SLC39A11: variants seen among roughly 807,000 people sequenced by gnomAD.
The protein encoded by SLC39A11 is zinc transporter ZIP11.
In SLC39A11, 33 loss-of-function variants were observed where a neutral mutation model predicts 36.1. The ratio of observed to expected loss-of-function variants is 0.91; its 90% CI spans 0.69 to 1.22. The LOEUF is 1.22. SLC39A11 is among the 50% of genes most tolerant of loss of function. The pLI is 0.00. For missense variants in SLC39A11, 432 were observed against 430.3 expected, an observed-to-expected ratio of 1.00 and a Z score of -0.03; for synonymous variants, 166 against 170.3, an observed-to-expected ratio of 0.97 and a Z score of 0.20.
At chr17:72,805,561 G>A (rs771016664) in intron 6 of SLC39A11, among the ~76,000 whole-genome samples, 4 of 152,044 alleles carry the variant, frequency 2.6e-5, no homozygotes, top group Non-Finnish European at 5.9e-5. Flanking sequence ...GCCTGGTGGC[G>A]CTCCTTCCCG....
intron 6 of SLC39A11, among the ~76,000 whole-genome samples, chr17:72,755,052 G>A (rs975528126): frequency 2.7e-5 from 2 of 73,334 alleles, no homozygotes; most frequent in African/African-American, 6.0e-5. Flanking sequence ...GGCAGGGCCA[G>A]TGTGTCACGG....
chr17:73,088,905 A>G (rs773874766), intron 1 of SLC39A11, 130 bp from the exon 2 acceptor site: 4 of 657,414 alleles, frequency 6.1e-6, no homozygotes, highest in Non-Finnish European at 1.1e-5. Context: ...CCCTTCCACC[A>G]CGCCATCTGT....
intron 5 of SLC39A11, among the ~76,000 whole-genome samples, chr17:72,868,855 T>A: frequency 6.6e-6 from 1 of 151,830 alleles, no homozygotes; most frequent in East Asian, 1.9e-4. Context: ...ATGGTAAAAA[T>A]GTAGAAATGT....
chr17:72,886,963 A>C (rs993869755), intron 5 of SLC39A11, among the ~76,000 whole-genome samples: 1 of 152,188 alleles, frequency 6.6e-6, no homozygotes, highest in African/African-American at 2.4e-5. Context: ...ATCATCTTAC[A>C]GGGGTCTTCC....
chr17:72,862,544 C>T (rs889480206), intron 5 of SLC39A11, among the ~76,000 whole-genome samples: 1 of 152,118 alleles, frequency 6.6e-6, no homozygotes, highest in Non-Finnish European at 1.5e-5. Context: ...CACAGGGACA[C>T]ACAAAGAATG....
intron 4 of SLC39A11, among the ~76,000 whole-genome samples, chr17:73,005,140 C>G (rs532849363): frequency 6.6e-6 from 1 of 152,008 alleles, no homozygotes; most frequent in Admixed American, 6.6e-5. Context: ...GGGATTACAA[C>G]TAATTTTTGT....
rs185237624 is a variant in SLC39A11, at chr17:72,805,811, C to T, written c.601+43823G>A. On this transcript the variant is annotated intron_variant, in intron 6 of 9. Coordinates refer to ENST00000255559, the MANE Select transcript of SLC39A11 (RefSeq NM_139177.4). Reference sequence around the variant, plus strand: ...TTACCCAGGCTGGAGTGTAGTGGGGCGATCCTGGCTCACTGCAACCTCCGC... The same window carrying T: ...TTACCCAGGCTGGAGTGTAGTGGGGTGATCCTGGCTCACTGCAACCTCCGC... Among the ~76,000 whole-genome samples, 25 of 150,124 alleles carry T rather than the reference C, an allele frequency of 1.7e-4. No homozygotes were observed. The East Asian group carries it at 4.1e-3, about 25-fold the overall frequency.
At chr17:72,934,530 G>T (rs1024976973) in intron 5 of SLC39A11, among the ~76,000 whole-genome samples, 1 of 152,146 alleles carries the variant, frequency 6.6e-6, no homozygotes, top group African/African-American at 2.4e-5. Context: ...GCCAGGCAGG[G>T]TGGCGTGTGC....
chr17:72,833,412 C>T (rs1252434482), intron 6 of SLC39A11, among the ~76,000 whole-genome samples: 1 of 152,122 alleles, frequency 6.6e-6, no homozygotes, highest in Non-Finnish European at 1.5e-5. Flanking sequence ...TTCCTAGCAG[C>T]CAAAGAATAA....
chr17:73,085,158 C>T (rs1428471654), intron 2 of SLC39A11, among the ~76,000 whole-genome samples: 1 of 152,110 alleles, frequency 6.6e-6, no homozygotes, highest in Non-Finnish European at 1.5e-5. Flanking sequence ...AGCCTGTCTA[C>T]AAGTTGGGAA....
chr17:72,858,362 T>C (rs2079770762), intron 5 of SLC39A11, among the ~76,000 whole-genome samples: 1 of 152,256 alleles, frequency 6.6e-6, no homozygotes, highest in South Asian at 2.1e-4. Context: ...AGTACCATGC[T>C]GTTTTGGTTA....
rs1567994871 is a variant in SLC39A11, at chr17:72,729,436, TATATATATA to T, written c.671+7205_671+7213del. On this transcript the variant is annotated intron_variant, in intron 7 of 9. Transcript: ENST00000255559. ...ATATATATATATATATATATATATA[TATATATATA>T]TATATATATATATTTTTTTTTTTTT... is the stretch of plus-strand genomic sequence containing the variant. Among the ~76,000 whole-genome samples the T allele has an allele frequency of 7.7e-3, 27 of 3,498 alleles. 4 individuals carry two copies. Among genetic ancestry groups the T allele is most frequent in the South Asian group, 0.018 (2 of 110 alleles). The allele number at this position is 3,498 out of a possible 152,430, so 2.3% of individuals were successfully genotyped here.
chr17:72,709,143 T>C (rs545935390), intron 7 of SLC39A11, among the ~76,000 whole-genome samples: 29 of 152,324 alleles, frequency 1.9e-4, no homozygotes, highest in African/African-American at 6.7e-4. Context: ...TTTCACCATC[T>C]TAGCCAGGAT....
chr17:73,084,934 G>A, intron 2 of SLC39A11, 88 bp from the exon 3 acceptor site: 1 of 1,428,048 alleles, frequency 7.0e-7, no homozygotes, highest in Non-Finnish European at 9.9e-7. Context: ...GCCCAAAAGA[G>A]CCACGCAAAT....
At chr17:72,728,863 G>C (rs2074040350) in intron 7 of SLC39A11, among the ~76,000 whole-genome samples, 1 of 151,982 alleles carries the variant, frequency 6.6e-6, no homozygotes, top group South Asian at 2.1e-4. Context: ...TTGTCACTTG[G>C]ACTCAAATTC....
chr17:72,834,717 C>A (rs1338648166), intron 6 of SLC39A11, among the ~76,000 whole-genome samples: 2 of 152,056 alleles, frequency 1.3e-5, no homozygotes, highest in African/African-American at 4.8e-5. Flanking sequence ...AGAAAGACAA[C>A]TGGAAGTTAT....
intron 3 of SLC39A11, among the ~76,000 whole-genome samples, chr17:73,033,849 C>T (rs1269681212): frequency 6.6e-6 from 1 of 152,124 alleles, no homozygotes; most frequent in Non-Finnish European, 1.5e-5. Context: ...AGAACAAATC[C>T]AAGCATAAAT....
intron 6 of SLC39A11, among the ~76,000 whole-genome samples, chr17:72,822,886 T>G (rs2077854151): frequency 1.3e-5 from 2 of 151,028 alleles, no homozygotes; most frequent in African/African-American, 4.8e-5. Flanking sequence ...AGCTAATTTT[T>G]TTATTTTTTG....
chr17:73,020,135 C>T (rs768145326), intron 4 of SLC39A11, among the ~76,000 whole-genome samples: 11 of 152,166 alleles, frequency 7.2e-5, no homozygotes, highest in South Asian at 2.1e-4. Context: ...CTGAAGATGA[C>T]GGGACAGAAT....
Sources: allele counts gnomAD v4.1 joint callset (sites outside exome capture counted in the v4.1 genomes callset), GRCh38; gene constraint gnomAD v4.1.1; transcripts MANE v1.5; gene names NCBI Gene and HGNC (gene_info 2026-07-23, HGNC 2026-07-21).